The following DPP6 variants were observed in gnomAD, a reference collection of about 807,000 sequenced individuals.
The protein encoded by DPP6 is A-type potassium channel modulatory protein DPP6.
Under a neutral mutation model 122.6 loss-of-function variants are expected in DPP6, and 69 were observed. The observed-to-expected ratio is 0.56, with a 90% CI of 0.46 to 0.69. DPP6 has a LOEUF of 0.69. DPP6 is among the 30% of genes least tolerant of loss of function. DPP6 has a pLI of 0.00. For synonymous variants in DPP6, 418 were observed against 433.1 expected (o/e 0.97, Z 0.43); for missense variants, 928 against 1,116.9 (o/e 0.83, Z 2.41).
chr7:153,786,132 C>T, the DPP6 span, among the ~76,000 whole-genome samples: 3 of 152,106 alleles, frequency 2.0e-5, no homozygotes, highest in Non-Finnish European at 4.4e-5. Context: ...CTGACTTAGA[C>T]CATGACTAAT....
chr7:153,919,727 C>T lies in DPP6; in HGVS notation c.51+31993C>T, dbSNP rs528471974. ...CATGCATGTAATATTGTGTCAAATA[C>T]TTCTAAAAAATGAAAGCTTCGGCCT... On this transcript the variant is annotated intron_variant, in intron 1 of 25. Coordinates refer to the DPP6 transcript ENST00000404039. Among the ~76,000 whole-genome samples, 2 of 152,132 alleles carry T rather than the reference C, an allele frequency of 1.3e-5. 1 individual carries two copies. The highest frequency in any genetic ancestry group is 4.1e-4 in the South Asian group (2 of 4,828).
chr7:154,189,740 C>T (rs773094460), intron 1 of DPP6, among the ~76,000 whole-genome samples: 24 of 152,208 alleles, frequency 1.6e-4, no homozygotes, highest in Non-Finnish European at 2.1e-4. Flanking sequence ...GTATTTGAAT[C>T]TCTCTTTGTG....
intron 19 of DPP6, among the ~76,000 whole-genome samples, chr7:154,873,996 GCACACATA>G (rs1584950862): frequency 1.3e-5 from 2 of 148,314 alleles, no homozygotes; most frequent in East Asian, 4.2e-4. Flanking sequence ...ATACCCACAT[GCACACATA>G]CACACACATG....
At chr7:154,861,116 A>AATT (rs1399755074) in intron 17 of DPP6, among the ~76,000 whole-genome samples, 5 of 152,192 alleles carry the variant, frequency 3.3e-5, no homozygotes, top group Non-Finnish European at 7.3e-5. Flanking sequence ...TTTAAGGAGC[A>AATT]ATTTGGTGGC....
chr7:154,331,385 T>C (rs1808924847), intron 1 of DPP6, among the ~76,000 whole-genome samples: 1 of 152,222 alleles, frequency 6.6e-6, no homozygotes, highest in African/African-American at 2.4e-5. Flanking sequence ...GGGACCTCAC[T>C]TGAGCTGCAC....
At position 154,294,072 on chromosome 7, in the gene DPP6, G is replaced by A. The variant is rs573893559; in HGVS notation, c.244-152142G>A. 3.3e-5 allele frequency among the ~76,000 whole-genome samples: 5 copies of A among 152,228 alleles called. No homozygotes were observed. The South Asian group carries it at 6.2e-4, about 19-fold the overall frequency. On this transcript the variant is annotated intron_variant, in intron 1 of 25. Transcript: ENST00000377770. ...ATAGCCAGTAAGCGAAAGGACCCGG[G>A]ATTTGCAAACAAGAAATTATTCTGA...
chr7:154,392,046 G>A (rs1306345919), intron 1 of DPP6, among the ~76,000 whole-genome samples: 1 of 152,198 alleles, frequency 6.6e-6, no homozygotes, highest in Non-Finnish European at 1.5e-5. Flanking sequence ...GGCTGAGGCA[G>A]GCAGATCAGT....
At chr7:154,205,903 G>T (rs1799422311) in intron 1 of DPP6, among the ~76,000 whole-genome samples, 1 of 152,180 alleles carries the variant, frequency 6.6e-6, no homozygotes, top group Non-Finnish European at 1.5e-5. Context: ...TCTTGGTCCT[G>T]CCTGTGTGTG....
At chr7:154,121,736 G>A (rs1585420553) in intron 1 of DPP6, among the ~76,000 whole-genome samples, 1 of 152,188 alleles carries the variant, frequency 6.6e-6, no homozygotes. Flanking sequence ...GTGCACTGGG[G>A]GGACATGTGT....
intron 1 of DPP6, among the ~76,000 whole-genome samples, chr7:154,011,410 C>T (rs1484671471): frequency 1.3e-5 from 2 of 152,212 alleles, no homozygotes; most frequent in Non-Finnish European, 2.9e-5. Flanking sequence ...TGAACCCTGT[C>T]TTTGGGCCGT....
chr7:154,322,471 T>A (rs1051857564), intron 1 of DPP6, among the ~76,000 whole-genome samples: 1 of 152,224 alleles, frequency 6.6e-6, no homozygotes, highest in Non-Finnish European at 1.5e-5. Flanking sequence ...TCTAAAACTT[T>A]ATACCTGTGA....
chr7:154,746,305 A>T (rs1843033503), intron 8 of DPP6, among the ~76,000 whole-genome samples: 1 of 152,098 alleles, frequency 6.6e-6, no homozygotes, highest in South Asian at 2.1e-4. Context: ...TGATCCTTTG[A>T]CCAAGATATG....
At chr7:154,116,744 T>C (rs1167915070) in intron 1 of DPP6, among the ~76,000 whole-genome samples, 7 of 152,242 alleles carry the variant, frequency 4.6e-5, no homozygotes, top group Admixed American at 4.6e-4. Flanking sequence ...CAAATGTTTG[T>C]TTAATCAGAT....
the DPP6 span, among the ~76,000 whole-genome samples, chr7:153,875,768 C>G: frequency 6.6e-6 from 1 of 151,592 alleles, no homozygotes; most frequent in African/African-American, 2.4e-5. Context: ...AAAAACGGGA[C>G]AAACAGAATT....
At chr7:154,474,653 C>G (rs969618318) in intron 2 of DPP6, among the ~76,000 whole-genome samples, 9 of 152,150 alleles carry the variant, frequency 5.9e-5, no homozygotes, top group African/African-American at 2.2e-4. Context: ...ATAAATCAAT[C>G]CTGAAAGAAT....
At chr7:154,603,554 G>A (rs1214774910) in intron 5 of DPP6, among the ~76,000 whole-genome samples, 1 of 109,370 alleles carries the variant, frequency 9.1e-6, no homozygotes. Context: ...TACTCGGGAG[G>A]CTGAGGCAGG....
intron 1 of DPP6, among the ~76,000 whole-genome samples, chr7:153,981,138 CAGTG>C (rs1254228286): frequency 1.3e-5 from 2 of 152,150 alleles, no homozygotes; most frequent in Admixed American, 1.3e-4. Context: ...CTAATATTGA[CAGTG>C]AGATGTTGAA....
At chr7:154,286,176 T>C (rs138435839) in intron 1 of DPP6, among the ~76,000 whole-genome samples, 1 of 152,288 alleles carries the variant, frequency 6.6e-6, no homozygotes, top group Non-Finnish European at 1.5e-5. Flanking sequence ...AGGAGTGGGA[T>C]GTGGGTACCC....
intron 15 of DPP6, among the ~76,000 whole-genome samples, chr7:154,806,739 C>T (rs1798718234): frequency 6.6e-6 from 1 of 152,216 alleles, no homozygotes; most frequent in African/African-American, 2.4e-5. Flanking sequence ...GCATAGGTGA[C>T]TGCCTTCCAG....
Sources: allele counts gnomAD v4.1 joint callset (sites outside exome capture counted in the v4.1 genomes callset), GRCh38; gene constraint gnomAD v4.1.1; transcripts MANE v1.5; gene names NCBI Gene and HGNC (gene_info 2026-07-23, HGNC 2026-07-21).